The following OR9Q1 variants were observed in gnomAD, a reference collection of about 807,000 sequenced individuals.
OR9Q1 encodes the protein olfactory receptor family 9 subfamily Q member 1, also known as olfactory receptor 9Q1.
For missense variants in OR9Q1, 374 were observed against 378.8 expected, an observed-to-expected ratio of 0.99 and a Z score of 0.11; for synonymous variants, 153 against 148.6, an observed-to-expected ratio of 1.03 and a Z score of -0.22.
In OR9Q1 at chr11:58,179,899, G is replaced by T. The variant is rs373934954; in HGVS notation, c.455G>T (p.Gly152Val). The T allele has an allele frequency of 1.9e-6, 3 of 1,614,032 alleles. No individual in the cohort carries two copies. In the African/African-American group the frequency reaches 4.0e-5, roughly 22 times the overall value. ...LSLVAGAYVA[G>V]LISALVRTVS... The stretch of plus-strand genomic sequence containing the variant: ...CTTGTGGCTGGGGCTTACGTTGCTG[G>T]TCTCATCAGTGCCTTGGTGCGGACA... Residue 152 changes from glycine to valine, a missense_variant, in exon 3 of 3, where the codon GGT becomes GTT. Coordinates refer to ENST00000335397, the MANE Select transcript of OR9Q1 (RefSeq NM_001005212.4).
At chr11:58,026,682 C>CAAAAAAAAAAA (rs61606334) in intron 1 of OR9Q1, 1 of 77,454 alleles carries the variant, frequency 1.3e-5, no homozygotes, top group African/African-American at 5.4e-5. Context: ...ACTCTGTAAC[C>CAAAAAAAAAAA]AAAAAAAAAA....
intron 1 of OR9Q1, among the ~76,000 whole-genome samples, chr11:58,025,085 G>C (rs3844134): frequency 0.75 from 114,183 of 152,148 alleles, 43,156 homozygotes; most frequent in East Asian, 0.86. Context: ...TCTATATCAA[G>C]AATAGTTCAT....
chr11:58,169,404 A>C (rs1344102281), intron 2 of OR9Q1, among the ~76,000 whole-genome samples: 1 of 151,948 alleles, frequency 6.6e-6, no homozygotes, highest in Non-Finnish European at 1.5e-5. Context: ...ATTCTCTTAG[A>C]ACTTTTATTG....
chr11:58,167,684 G>A (rs866382317), intron 2 of OR9Q1, among the ~76,000 whole-genome samples: 11 of 152,158 alleles, frequency 7.2e-5, no homozygotes, highest in African/African-American at 1.9e-4. Context: ...GTTTTCTCAC[G>A]TATTTGGGGG....
At chr11:58,155,156 T>C (rs1311569505) in intron 2 of OR9Q1, among the ~76,000 whole-genome samples, 3 of 152,114 alleles carry the variant, frequency 2.0e-5, no homozygotes. Flanking sequence ...GAAGAGATGG[T>C]GTTGTAGTTC....
chr11:58,118,920 G>C, intron 2 of OR9Q1: 26 of 1,614,036 alleles, frequency 1.6e-5, no homozygotes, highest in Non-Finnish European at 2.2e-5. Flanking sequence ...AGAAGAAGAA[G>C]TTTATTTGAT....
intron 2 of OR9Q1, chr11:58,125,146 C>T (rs1023190731): frequency 6.6e-6 from 1 of 152,018 alleles, no homozygotes; most frequent in Non-Finnish European, 1.5e-5. Context: ...TAGTACCACG[C>T]CTCCCACATG....
intron 2 of OR9Q1, chr11:58,125,312 C>G (rs2120150627): frequency 7.5e-6 from 1 of 134,042 alleles, no homozygotes; most frequent in South Asian, 2.4e-4. Context: ...CCAGTCTGGT[C>G]ATGGTCCTAT....
intron 1 of OR9Q1, among the ~76,000 whole-genome samples, chr11:58,037,929 T>C (rs1242700484): frequency 9.5e-5 from 14 of 147,144 alleles, no homozygotes; most frequent in African/African-American, 3.5e-4. Flanking sequence ...GACGGGGTTT[T>C]ACCATGTTAG....
At chr11:58,136,729 C>A (rs1186277618) in intron 2 of OR9Q1, among the ~76,000 whole-genome samples, 2 of 152,156 alleles carry the variant, frequency 1.3e-5, no homozygotes, top group Non-Finnish European at 2.9e-5. Context: ...TATTCCTCTG[C>A]CCATTGCAAA....
At chr11:58,027,535 A>G (rs1852987461) in intron 1 of OR9Q1, among the ~76,000 whole-genome samples, 2 of 152,188 alleles carry the variant, frequency 1.3e-5, no homozygotes, top group African/African-American at 4.8e-5. Context: ...GTGGCTCATA[A>G]AGCTTAAACT....
At chr11:58,166,299 C>T in intron 2 of OR9Q1, among the ~76,000 whole-genome samples, 1 of 152,104 alleles carries the variant, frequency 6.6e-6, no homozygotes, top group South Asian at 2.1e-4. Flanking sequence ...AGAGTGGCTC[C>T]TTTCTTTTAC....
intron 2 of OR9Q1, among the ~76,000 whole-genome samples, chr11:58,112,310 TTATAAA>T (rs1338624096): frequency 6.6e-6 from 1 of 151,500 alleles, no homozygotes; most frequent in Non-Finnish European, 1.5e-5. Context: ...AAAAAAAAGA[TTATAAA>T]TATGTTTCTT....
At chr11:58,081,808 T>G (rs1157914163) in intron 2 of OR9Q1, among the ~76,000 whole-genome samples, 1 of 151,166 alleles carries the variant, frequency 6.6e-6, no homozygotes, top group Non-Finnish European at 1.5e-5. Flanking sequence ...TTTTTTTTTT[T>G]TTTACTTTTG....
chr11:58,087,976 C>T (rs943854689), intron 2 of OR9Q1, among the ~76,000 whole-genome samples: 2 of 151,688 alleles, frequency 1.3e-5, no homozygotes, highest in East Asian at 3.9e-4. Context: ...CAACCTCTGC[C>T]TCCTGGGTTC....
intron 2 of OR9Q1, among the ~76,000 whole-genome samples, chr11:58,104,886 G>A (rs1242883582): frequency 6.6e-6 from 1 of 152,164 alleles, no homozygotes; most frequent in African/African-American, 2.4e-5. Flanking sequence ...CTGTCAATTT[G>A]CCTGAGTCAA....
chr11:58,048,659 G>C (rs1853244659), intron 1 of OR9Q1, among the ~76,000 whole-genome samples: 1 of 113,098 alleles, frequency 8.8e-6, no homozygotes, highest in African/African-American at 3.2e-5. Flanking sequence ...ATAGAGCAAG[G>C]ACTCCATCTT....
intron 2 of OR9Q1, chr11:58,118,599 G>T: frequency 1.2e-6 from 2 of 1,613,990 alleles, no homozygotes; most frequent in Non-Finnish European, 1.7e-6. Flanking sequence ...TCAGCATGGG[G>T]ATGACCACTG....
chr11:58,057,599 CA>C (rs1488619317), intron 2 of OR9Q1: 2 of 152,164 alleles, frequency 1.3e-5, no homozygotes, highest in Admixed American at 6.6e-5. Context: ...GCAGATTTAC[CA>C]GTTTTCTAAC....
Sources: allele counts gnomAD v4.1 joint callset (sites outside exome capture counted in the v4.1 genomes callset), GRCh38; gene constraint gnomAD v4.1.1; transcripts MANE v1.5; gene names NCBI Gene and HGNC (gene_info 2026-07-23, HGNC 2026-07-21).